Variants in GRM7 observed in about 807,000 individuals in gnomAD.
GRM7 encodes the protein metabotropic glutamate receptor 7.
In GRM7, 35 loss-of-function variants were observed where a neutral mutation model predicts 84.5. The observed-to-expected ratio is 0.41, with a 90% CI of 0.32 to 0.55. The LOEUF (loss-of-function observed/expected upper bound fraction) is 0.55. Ranked by LOEUF, GRM7 falls within the 20% of genes least tolerant of loss-of-function variation. The probability of loss-of-function intolerance (pLI) is 0.19; values close to 1 mark genes in which losing one functional copy is unlikely to be tolerated. For synonymous variants in GRM7, 487 were observed against 455.1 expected (o/e 1.07, Z -0.89); for missense variants, 1,003 against 1,194.6 (o/e 0.84, Z 2.36).
intron 4 of GRM7, among the ~76,000 whole-genome samples, chr3:7,372,274 G>T (rs542198054): frequency 6.6e-6 from 1 of 152,144 alleles, no homozygotes; most frequent in Non-Finnish European, 1.5e-5. Context: ...ACGTAAAGAC[G>T]TTTGTGTGTA....
At chr3:7,459,629 A>C (rs1043035050) in intron 6 of GRM7, among the ~76,000 whole-genome samples, 3 of 152,104 alleles carry the variant, frequency 2.0e-5, no homozygotes, top group African/African-American at 7.2e-5. Flanking sequence ...AGATCTGGTG[A>C]GACTCATTCA....
At chr3:7,481,077 G>GT (rs59737850) in intron 7 of GRM7, among the ~76,000 whole-genome samples, 140 of 145,980 alleles carry the variant, frequency 9.6e-4, no homozygotes, top group Middle Eastern at 3.6e-3. Context: ...GTCTTTATTG[G>GT]TTTTTTTTTT....
At chr3:7,121,339 AT>A (rs1693211386) in intron 1 of GRM7, among the ~76,000 whole-genome samples, 2 of 81,526 alleles carry the variant, frequency 2.5e-5, no homozygotes, top group South Asian at 7.5e-4. Flanking sequence ...CTATTCATCC[AT>A]CCATCCATCC....
At chr3:7,578,370 C>A in intron 7 of GRM7, 52 bp from the exon 8 acceptor site, 1 of 1,247,706 alleles carries the variant, frequency 8.0e-7, no homozygotes, top group Non-Finnish European at 1.1e-6. Context: ...TGTTCTTTTT[C>A]TATTCTCTTG....
intron 7 of GRM7, among the ~76,000 whole-genome samples, chr3:7,540,999 A>T (rs780673748): frequency 1.1e-4 from 16 of 152,218 alleles, no homozygotes; most frequent in Admixed American, 3.3e-4. Context: ...AAGCTTGGAA[A>T]CAAATTCACA....
At chr3:7,324,782 A>T (rs774966495) in intron 4 of GRM7, among the ~76,000 whole-genome samples, 2 of 152,088 alleles carry the variant, frequency 1.3e-5, no homozygotes, top group Non-Finnish European at 2.9e-5. Flanking sequence ...GGGCCCTCAG[A>T]ATCCTTGACA....
chr3:7,118,776 T>C (rs1402005691), intron 1 of GRM7, among the ~76,000 whole-genome samples: 1 of 152,058 alleles, frequency 6.6e-6, no homozygotes. Flanking sequence ...TCTTTTTAGA[T>C]CTGAAAATAC....
At chr3:6,892,849 C>G (rs745889574) in intron 1 of GRM7, 1 of 152,108 alleles carries the variant, frequency 6.6e-6, no homozygotes, top group African/African-American at 2.4e-5. Flanking sequence ...TGGAGATCAG[C>G]TTCTGTTGTG....
intron 2 of GRM7, among the ~76,000 whole-genome samples, chr3:7,187,340 G>GTAACCTTATAT (rs1374299878): frequency 6.6e-6 from 1 of 152,104 alleles, no homozygotes; most frequent in Non-Finnish European, 1.5e-5. Flanking sequence ...ATTTCTATAA[G>GTAACCTTATAT]TAGCACATGT....
intron 1 of GRM7, among the ~76,000 whole-genome samples, chr3:6,995,629 C>G (rs1356118570): frequency 6.6e-6 from 1 of 152,120 alleles, no homozygotes; most frequent in African/African-American, 2.4e-5. Context: ...TTTATTTAAT[C>G]TAACTGAATC....
At chr3:7,642,454 C>G (rs781473033) in intron 8 of GRM7, among the ~76,000 whole-genome samples, 1 of 152,056 alleles carries the variant, frequency 6.6e-6, no homozygotes, top group Non-Finnish European at 1.5e-5. Flanking sequence ...TGGTTAAAAC[C>G]TGGTGTTTTG....
chr3:7,098,885 C>G (rs747412021), intron 1 of GRM7, among the ~76,000 whole-genome samples: 19 of 151,894 alleles, frequency 1.3e-4, no homozygotes, highest in Non-Finnish European at 2.1e-4. Flanking sequence ...ATAATTCTTT[C>G]TTTCTCCCAT....
In GRM7 at chr3:7,050,853, C is replaced by G. The variant is rs868067029; in HGVS notation, c.520-95599C>G. On this transcript the variant is annotated intron_variant, in intron 1 of 9. Coordinates refer to ENST00000357716, the MANE Select transcript of GRM7 (RefSeq NM_000844.4). ...CTATAAATTATTCCTCCTTTCCCCA[C>G]AGTGTTTGATTCAAAACCAATTAGA... 3.3e-5 allele frequency among the ~76,000 whole-genome samples: 5 copies of G among 151,910 alleles called. No homozygotes were observed. The East Asian group carries it at 5.8e-4, about 18-fold the overall frequency.
intron 7 of GRM7, among the ~76,000 whole-genome samples, chr3:7,545,926 C>T (rs888764714): frequency 1.3e-5 from 2 of 152,186 alleles, no homozygotes; most frequent in African/African-American, 2.4e-5. Context: ...ATTTTCTTCT[C>T]TGAGCCTCAA....
intron 7 of GRM7, among the ~76,000 whole-genome samples, chr3:7,534,048 T>G (rs1335449498): frequency 6.8e-6 from 1 of 147,722 alleles, no homozygotes; most frequent in Non-Finnish European, 1.5e-5. Flanking sequence ...GGAATCTCAC[T>G]CTTTTACCAA....
In GRM7 at chr3:7,635,080, G is replaced by A. The variant is rs548794418; in HGVS notation, c.2452-44969G>A. ...AGCCATAGCCTCATATGGGTATTGA[G>A]CACTTGAAGTGAGATTGGTGGGGCT... On this transcript the variant is annotated intron_variant, in intron 8 of 9. Coordinates refer to ENST00000357716, the MANE Select transcript of GRM7 (RefSeq NM_000844.4). Among the ~76,000 whole-genome samples the A allele has an allele frequency of 9.2e-5, 14 of 152,316 alleles. No homozygotes were observed. In the East Asian group the frequency reaches 2.7e-3, roughly 29 times the overall value.
intron 8 of GRM7, among the ~76,000 whole-genome samples, chr3:7,655,649 G>A (rs1413829498): frequency 6.6e-6 from 1 of 152,154 alleles, no homozygotes; most frequent in Non-Finnish European, 1.5e-5. Context: ...CTGAGGGTGA[G>A]GCATCTATCT....
chr3:6,891,770 A>C (rs953102243), intron 1 of GRM7, among the ~76,000 whole-genome samples: 14 of 152,142 alleles, frequency 9.2e-5, no homozygotes, highest in African/African-American at 3.1e-4. Flanking sequence ...CTGAATCTGA[A>C]TGTTGGCCTG....
chr3:7,000,538 G>A (rs796119261), intron 1 of GRM7, among the ~76,000 whole-genome samples: 7 of 152,126 alleles, frequency 4.6e-5, no homozygotes, highest in African/African-American at 1.7e-4. Context: ...AGTGTAATAG[G>A]AAAAACATGC....
Sources: allele counts gnomAD v4.1 joint callset (sites outside exome capture counted in the v4.1 genomes callset), GRCh38; gene constraint gnomAD v4.1.1; transcripts MANE v1.5; gene names NCBI Gene and HGNC (gene_info 2026-07-23, HGNC 2026-07-21).